The following RHCE variants were observed in gnomAD, a reference collection of about 807,000 sequenced individuals.
RHCE encodes blood group Rh(CE) polypeptide.
RHCE carries 22 observed loss-of-function variants against 43.8 expected under a neutral mutation model. The observed-to-expected ratio is 0.50, with a 90% CI of 0.36 to 0.72. RHCE has a LOEUF of 0.72. Among genes scored for constraint, RHCE ranks in the 30% least tolerant of loss-of-function variants. The pLI, the probability that RHCE is intolerant of heterozygous loss-of-function variation, is 0.00. For missense variants in RHCE, 385 were observed against 525.4 expected (o/e 0.73, Z 2.61); for synonymous variants, 156 against 210.7 (o/e 0.74, Z 2.25).
At chr1:25,404,169 CAAAAAAAAA>C (rs3079571) in intron 2 of RHCE, among the ~76,000 whole-genome samples, 1 of 90,984 alleles carries the variant, frequency 1.1e-5, no homozygotes, top group African/African-American at 4.3e-5. Context: ...CTCTGTCTCA[CAAAAAAAAA>C]AAAAAAAAAA....
intron 6 of RHCE, among the ~76,000 whole-genome samples, chr1:25,387,843 CAG>C (rs1425343065): frequency 2.7e-5 from 4 of 150,104 alleles, no homozygotes; most frequent in Non-Finnish European, 5.9e-5. Context: ...TTTTTTAAGA[CAG>C]AGTCTTGTTC....
In RHCE at chr1:25,383,659, T is replaced by C. The variant is rs531288133; in HGVS notation, c.1073+2052A>G. Among the ~76,000 whole-genome samples, 886 of 152,190 alleles carry C rather than the reference T, an allele frequency of 5.8e-3. 13 individuals are homozygous for C. The highest frequency in any genetic ancestry group is 0.02 in the African/African-American group (834 of 41,524). On this transcript the variant is annotated intron_variant, in intron 7 of 9. Coordinates refer to ENST00000294413, the MANE Select transcript of RHCE (RefSeq NM_020485.8). ...AGACTTCCGGAAGAGAGATCATCACTGTCACTATGCCCTTCCCTTTGCCTG... is the reference window on the plus strand; with the variant it reads ...AGACTTCCGGAAGAGAGATCATCACCGTCACTATGCCCTTCCCTTTGCCTG...
At chr1:25,404,791 C>T (rs559392245) in intron 2 of RHCE, among the ~76,000 whole-genome samples, 56 of 151,652 alleles carry the variant, frequency 3.7e-4, no homozygotes, top group African/African-American at 1.3e-3. Context: ...TCTGGAGCCA[C>T]GGTAAGGGCA....
At chr1:25,407,229 C>T (rs1646947768) in intron 2 of RHCE, among the ~76,000 whole-genome samples, 1 of 122,986 alleles carries the variant, frequency 8.1e-6, no homozygotes, top group African/African-American at 2.5e-5. Context: ...AGCCTCTAAA[C>T]CTTTTAAAAA....
intron 1 of RHCE, among the ~76,000 whole-genome samples, chr1:25,419,302 T>C (rs567503787): frequency 5.3e-5 from 8 of 152,344 alleles, no homozygotes; most frequent in African/African-American, 1.9e-4. Context: ...ATGCATTGAA[T>C]TGTATTGGAT....
intron 2 of RHCE, among the ~76,000 whole-genome samples, chr1:25,428,615 G>A (rs908940812): frequency 7.9e-5 from 12 of 152,182 alleles, no homozygotes; most frequent in African/African-American, 2.9e-4. Flanking sequence ...TGCTTGTCTG[G>A]CTCTGAAGGC....
chr1:25,414,858 C>G (rs1392714352), intron 1 of RHCE, among the ~76,000 whole-genome samples: 1 of 152,152 alleles, frequency 6.6e-6, no homozygotes, highest in Admixed American at 6.6e-5. Flanking sequence ...AGAAGAACTG[C>G]CCAGCTGAAC....
Position 25,404,169 on chromosome 1 carries a change from C to CAAAAA in RHCE, c.336-1428_336-1424dup, listed in dbSNP as rs3079571. ...GGCGACAGAGTAAGACTCTGTCTCA[C>CAAAAA]AAAAAAAAAAAAAAAAAAAAATTCA... is the stretch of plus-strand genomic sequence containing the variant. On this transcript the variant is annotated intron_variant, in intron 2 of 9. Transcript: ENST00000294413. Among the ~76,000 whole-genome samples, 240 of 88,274 alleles carry CAAAAA rather than the reference C, an allele frequency of 2.7e-3. 2 individuals are homozygous for CAAAAA. Among genetic ancestry groups the CAAAAA allele is most frequent in the African/African-American group, 4.5e-3 (103 of 22,944 alleles). 57.9% of individuals were successfully genotyped at this position (88,274 alleles called of 152,430 possible).
chr1:25,428,516 AC>A (rs979264902), intron 2 of RHCE, among the ~76,000 whole-genome samples: 5 of 152,218 alleles, frequency 3.3e-5, no homozygotes, highest in African/African-American at 1.2e-4. Flanking sequence ...TTTCTTGGCC[AC>A]CCGGTGCCAC....
intron 7 of RHCE, among the ~76,000 whole-genome samples, chr1:25,376,635 C>T (rs1645795056): frequency 6.6e-6 from 1 of 152,104 alleles, no homozygotes; most frequent in Non-Finnish European, 1.5e-5. Context: ...TAAATTAAGG[C>T]CGGGTGTGGT....
chr1:25,410,923 C>G (rs1349338168), intron 1 of RHCE, among the ~76,000 whole-genome samples: 1 of 151,926 alleles, frequency 6.6e-6, no homozygotes, highest in Non-Finnish European at 1.5e-5. Context: ...AACCCCGTCT[C>G]TACTAAAATT....
intron 7 of RHCE, among the ~76,000 whole-genome samples, chr1:25,380,731 A>G (rs1207790502): frequency 1.3e-5 from 2 of 152,078 alleles, no homozygotes; most frequent in African/African-American, 4.8e-5. Flanking sequence ...GACCCAAGGC[A>G]GCCCTGGGCA....
chr1:25,417,855 G>A (rs1647697566), intron 1 of RHCE, among the ~76,000 whole-genome samples: 1 of 152,118 alleles, frequency 6.6e-6, no homozygotes. Flanking sequence ...CTGGTCTTGT[G>A]TCTCAAGCCA....
chr1:25,378,335 C>T (rs1260886673), intron 7 of RHCE, among the ~76,000 whole-genome samples: 2 of 152,144 alleles, frequency 1.3e-5, no homozygotes, highest in African/African-American at 2.4e-5. Flanking sequence ...GAAGTGCATT[C>T]GTGTGCTCCA....
chr1:25,426,458 A>G (rs1018641509), intron 2 of RHCE, among the ~76,000 whole-genome samples: 1 of 152,236 alleles, frequency 6.6e-6, no homozygotes, highest in Non-Finnish European at 1.5e-5. Context: ...AGGCACTGAA[A>G]GCAGACTGCC....
Position 25,415,759 on chromosome 1 carries a change from A to T in RHCE, c.148+4880T>A, listed in dbSNP as rs564386576. Among the ~76,000 whole-genome samples the T allele has an allele frequency of 9.4e-3, 1,420 of 151,176 alleles. 19 individuals carry two copies. Among genetic ancestry groups the T allele is most frequent in the African/African-American group, 0.032 (1,305 of 40,742 alleles). ...AGTACTATCATCCTCTGACAGAAGT[A>T]GAAACAGAGGCAGAAAGAGGTTGAC... On this transcript the variant is annotated intron_variant, in intron 1 of 9. Coordinates refer to ENST00000294413, the MANE Select transcript of RHCE (RefSeq NM_020485.8).
At chr1:25,388,923 C>T (rs370747404) in intron 6 of RHCE, 53 bp downstream of exon 6, 560 of 1,613,940 alleles carry the variant, frequency 3.5e-4, no homozygotes, top group Admixed American at 4.7e-4. Context: ...CAGGTCCCAG[C>T]GTCCTGCTGG....
chr1:25,385,846 T>G lies in RHCE; in HGVS notation c.940-2A>C. 1 of 1,614,034 alleles carries G rather than the reference T, an allele frequency of 6.2e-7. No individual in the cohort carries two copies. The highest frequency in any genetic ancestry group is 8.5e-7 in the Non-Finnish European group (1 of 1,180,006). Reference sequence around the variant, plus strand: ...CCCCAGCACTCGGTTACAACACACCTGTGGACAAGTGTTATTATAAGCAGA... The same window carrying G: ...CCCCAGCACTCGGTTACAACACACCGGTGGACAAGTGTTATTATAAGCAGA... On this transcript the variant is annotated splice_acceptor_variant, in intron 6 of 9. Coordinates refer to ENST00000294413, the MANE Select transcript of RHCE (RefSeq NM_020485.8). LOFTEE classifies it high-confidence loss of function.
At chr1:25,400,701 A>T (rs1300539174) in intron 3 of RHCE, among the ~76,000 whole-genome samples, 1 of 151,278 alleles carries the variant, frequency 6.6e-6, no homozygotes, top group Non-Finnish European at 1.5e-5. Flanking sequence ...TTTCATACAC[A>T]TCTCTACCCG....
Sources: gnomAD v4.1 joint callset for allele counts (sites outside exome capture counted in the v4.1 genomes callset) on GRCh38, gnomAD v4.1.1 for gene constraint, MANE v1.5 for transcripts, NCBI Gene and HGNC (gene_info 2026-07-23, HGNC 2026-07-21) for gene names.